TMEM234: variants seen among roughly 807,000 people sequenced by gnomAD.
TMEM234 encodes the protein chromosome 1 open reading frame 91.
In TMEM234, 21 loss-of-function variants were observed where a neutral mutation model predicts 17.8. That is an observed-to-expected ratio of 1.18 (90% CI 0.84 to 1.70). The LOEUF (loss-of-function observed/expected upper bound fraction) is 1.70. Among genes scored for constraint, TMEM234 ranks in the 40% most tolerant of loss-of-function variants. The pLI, the probability that TMEM234 is intolerant of heterozygous loss-of-function variation, is 0.00. For missense variants in TMEM234, 137 were observed against 166.9 expected (o/e 0.82, Z 0.99); for synonymous variants, 83 against 73.5 (o/e 1.13, Z -0.66).
downstream of TMEM234, chr1:32,214,699 TC>T: frequency 2.0e-6 from 3 of 1,530,094 alleles, no homozygotes; most frequent in Non-Finnish European, 2.7e-6. Flanking sequence ...TCTGCCATGT[TC>T]CTGCAGGCGT....
chr1:32,217,533 C>T, intron 3 of TMEM234, 182 bp from the exon 4 acceptor site: 1 of 1,388,984 alleles, frequency 7.2e-7, no homozygotes, highest in Non-Finnish European at 9.9e-7. Context: ...CAGTGCTTCC[C>T]AGGATTCCAG....
intron 3 of TMEM234, chr1:32,217,648 G>A (rs1033938433): frequency 3.5e-6 from 2 of 570,580 alleles, no homozygotes; most frequent in South Asian, 1.6e-5. Flanking sequence ...CATCTGGACG[G>A]ACAGGCAGGC....
downstream of TMEM234, chr1:32,215,342 G>A (rs1569779821): frequency 1.9e-6 from 2 of 1,038,792 alleles, no homozygotes; most frequent in Non-Finnish European, 2.8e-6. Context: ...TGCAGAACCA[G>A]GTTCAGGGGA....
chr1:32,221,065 C>T, intron 3 of TMEM234, 66 bp downstream of exon 3: 1 of 1,357,794 alleles, frequency 7.4e-7, no homozygotes. Flanking sequence ...CTCCACCCCG[C>T]CCCCCCCAAT....
rs479014 is a variant in TMEM234 at position 32,216,783 on chromosome 1, G to A, written c.*70C>T. 0.014 allele frequency: 21,446 copies of A among 1,585,946 alleles called. 293 individuals are homozygous for A. The highest frequency in any genetic ancestry group is 0.066 in the African/African-American group (4,901 of 74,620). ...GAGAGGGGAAGTGCTAGGTCCATCC[G>A]CTCACTGCCAGCACTTCATGGCCCA... is the stretch of plus-strand genomic sequence containing the variant. On this transcript the variant is annotated 3_prime_UTR_variant, in exon 5 of 5. Transcript: ENST00000309777.
chr1:32,215,567 G>GT, downstream of TMEM234: 1 of 1,605,400 alleles, frequency 6.2e-7, no homozygotes, highest in East Asian at 2.2e-5. Context: ...TCAGGAAACA[G>GT]TATGTTGGGG....
chr1:32,217,509 C>G (rs1243644090), intron 3 of TMEM234, 158 bp from the exon 4 acceptor site: 5 of 1,494,166 alleles, frequency 3.3e-6, no homozygotes, highest in Non-Finnish European at 4.5e-6. Flanking sequence ...ACCCACATCT[C>G]CTGACTCCAC....
chr1:32,221,973 G>A lies in TMEM234; in HGVS notation c.62C>T (p.Thr21Met), dbSNP rs1391397595. Residue 21 changes from threonine to methionine, a missense_variant, in exon 2 of 5, where the codon ACG becomes ATG. By Grantham distance (81) the Thr-to-Met change is moderately conservative. Coordinates refer to ENST00000309777, the MANE Select transcript of TMEM234 (RefSeq NM_019118.5). ...GGAGGCCCGCTTCAGCAGCGGCTGCGTGCCACCCCACAGAGCGGCCACCAG... is the reference window on the plus strand; with the variant it reads ...GGAGGCCCGCTTCAGCAGCGGCTGCATGCCACCCCACAGAGCGGCCACCAG... Reference protein sequence around the residue: ...LVLVAALWGGTQPLLKRASAG... With the variant: ...LVLVAALWGGMQPLLKRASAG... 9.9e-6 allele frequency: 16 copies of A among 1,612,628 alleles called. No homozygotes were observed. The East Asian group carries it at 2.7e-4, about 27-fold the overall frequency.
downstream of TMEM234, chr1:32,214,684 T>C: frequency 6.9e-7 from 1 of 1,454,888 alleles, no homozygotes; most frequent in South Asian, 1.3e-5. Flanking sequence ...ACAGACGGTG[T>C]CTCCTCTGCC....
chr1:32,214,874 C>G (rs746327043), downstream of TMEM234: 2 of 1,613,946 alleles, frequency 1.2e-6, no homozygotes, highest in Non-Finnish European at 8.5e-7. Context: ...CTTTCTATGC[C>G]AGACCCCAGC....
downstream of TMEM234, chr1:32,214,709 G>T: frequency 1.3e-6 from 2 of 1,562,910 alleles, no homozygotes; most frequent in Non-Finnish European, 1.7e-6. Context: ...TCCTGCAGGC[G>T]TCAGGGGCTC....
intron 3 of TMEM234, among the ~76,000 whole-genome samples, chr1:32,219,931 G>A (rs1638741483): frequency 6.6e-6 from 1 of 152,122 alleles, no homozygotes; most frequent in Non-Finnish European, 1.5e-5. Flanking sequence ...GATAATGCAT[G>A]GATAGTCCCT....
chr1:32,217,089 G>A lies in TMEM234; in HGVS notation c.329-142C>T, dbSNP rs1225032622. 4.5e-6 allele frequency: 7 copies of A among 1,565,378 alleles called. No individual in the cohort carries two copies. The African/African-American group carries it at 5.4e-5, about 12-fold the overall frequency. ...CTGTCTTTCTCCAGACTGTCCAGGG[G>A]AAGGGAACTCTGATGGCCACAAGGA... On this transcript the variant is annotated intron_variant, in intron 4 of 4. Coordinates refer to ENST00000309777, the MANE Select transcript of TMEM234 (RefSeq NM_019118.5).
intron 3 of TMEM234, 140 bp from the exon 4 acceptor site, chr1:32,217,491 G>C: frequency 6.5e-7 from 1 of 1,532,594 alleles, no homozygotes. Flanking sequence ...GCAAATCTCA[G>C]GACTCAAACC....
At chr1:32,217,550 G>C in intron 3 of TMEM234, 199 bp from the exon 4 acceptor site, 1 of 1,253,074 alleles carries the variant, frequency 8.0e-7, no homozygotes, top group Non-Finnish European at 1.1e-6. Context: ...CCAGCATGAA[G>C]ACCTGAACTC....
Position 32,216,733 on chromosome 1 carries a change from A to G in TMEM234, c.*120T>C, listed in dbSNP as rs1312427794. ...GATCCATGAGGTAGCTGTTATCCCCATAAGAGAGGAGGAAGCTAAGGCCAG... is the reference window on the plus strand; with the variant it reads ...GATCCATGAGGTAGCTGTTATCCCCGTAAGAGAGGAGGAAGCTAAGGCCAG... On this transcript the variant is annotated 3_prime_UTR_variant, in exon 5 of 5. Transcript: ENST00000309777. The G allele has an allele frequency of 1.8e-5, 27 of 1,517,080 alleles. No homozygotes were observed. Among genetic ancestry groups the G allele is most frequent in the East Asian group, 2.4e-5 (1 of 40,956 alleles). The allele number at this position is 1,517,080 out of a possible 1,614,324, so 94.0% of individuals were successfully genotyped here.
chr1:32,214,913 C>T, downstream of TMEM234: 1 of 1,614,006 alleles, frequency 6.2e-7, no homozygotes, highest in Non-Finnish European at 8.5e-7. Context: ...GCAAGCTCCC[C>T]ACACTCTCAT....
chr1:32,218,877 G>A (rs1638647507), intron 3 of TMEM234, among the ~76,000 whole-genome samples: 1 of 152,196 alleles, frequency 6.6e-6, no homozygotes, highest in Non-Finnish European at 1.5e-5. Context: ...GGCAGAGGTT[G>A]CAGTGACCAG....
chr1:32,216,278 C>CT lies in TMEM234; in HGVS notation c.*574dup. ...AGGTGGGGCTGGGGCTCACAGCTCT[C>CT]TACCTGTTTAAGAGGGGCTGGCAGT... On this transcript the variant is annotated 3_prime_UTR_variant, in exon 5 of 5. Coordinates refer to ENST00000309777, the MANE Select transcript of TMEM234 (RefSeq NM_019118.5). 11 of 1,483,402 alleles carry CT rather than the reference C, an allele frequency of 7.4e-6. No individual in the cohort carries two copies. The highest frequency in any genetic ancestry group is 9.9e-6 in the Non-Finnish European group (11 of 1,113,404). The allele number at this position is 1,483,402 out of a possible 1,614,324, so 91.9% of individuals were successfully genotyped here.
Sources: allele counts gnomAD v4.1 joint callset (sites outside exome capture counted in the v4.1 genomes callset), GRCh38; gene constraint gnomAD v4.1.1; transcripts MANE v1.5; gene names NCBI Gene and HGNC (gene_info 2026-07-23, HGNC 2026-07-21).